Variants in SMIM35 observed in about 807,000 individuals in gnomAD.
SMIM35 encodes the protein TMPRSS4 antisense RNA 1 (non-protein coding).
At chr11:118,059,838 T>C (rs143427725) in intron 1 of SMIM35, among the ~76,000 whole-genome samples, 4 of 152,274 alleles carry the variant, frequency 2.6e-5, no homozygotes, top group Non-Finnish European at 4.4e-5. Context: ...TCAATCCTAC[T>C]GGATAAACTT....
intron 4 of SMIM35, among the ~76,000 whole-genome samples, chr11:118,008,173 C>G (rs2058131790): frequency 6.6e-6 from 1 of 152,142 alleles, no homozygotes; most frequent in South Asian, 2.1e-4. Flanking sequence ...CCCGGCCACA[C>G]CTGTTGTTTT....
At chr11:118,025,628 T>A in intron 1 of SMIM35, 1 of 448,442 alleles carries the variant, frequency 2.2e-6, no homozygotes, top group South Asian at 1.6e-5. Context: ...TGCCCACTTT[T>A]TAATGGGGTT....
chr11:118,043,417 C>T (rs192958679), intron 1 of SMIM35, among the ~76,000 whole-genome samples: 137 of 151,956 alleles, frequency 9.0e-4, no homozygotes, highest in Middle Eastern at 6.8e-3. Flanking sequence ...ACCTCAAAAA[C>T]ATTATGCTAA....
At chr11:118,083,869 A>G (rs797002226) in intron 1 of SMIM35, among the ~76,000 whole-genome samples, 13 of 152,194 alleles carry the variant, frequency 8.5e-5, no homozygotes, top group African/African-American at 2.9e-4. Flanking sequence ...CCTGGCCAAC[A>G]TGGTGAAAGT....
chr11:118,071,615 CAAATGAGCCAGTCACTG>C (rs763586803), intron 1 of SMIM35, among the ~76,000 whole-genome samples: 5 of 152,208 alleles, frequency 3.3e-5, no homozygotes, highest in Non-Finnish European at 7.3e-5. Flanking sequence ...GAGATGTGAA[CAAATGAGCCAGTCACTG>C]AAACTGATCT....
intron 1 of SMIM35, among the ~76,000 whole-genome samples, chr11:118,029,322 G>T (rs181853780): frequency 1.5e-4 from 23 of 152,312 alleles, no homozygotes; most frequent in African/African-American, 5.1e-4. Context: ...TAGGCATGGT[G>T]GCACACGCAT....
intron 1 of SMIM35, among the ~76,000 whole-genome samples, chr11:118,025,185 T>C (rs995567456): frequency 6.6e-6 from 1 of 152,196 alleles, no homozygotes; most frequent in East Asian, 1.9e-4. Context: ...GGCACCTAGG[T>C]TGATTCTAAG....
chr11:118,076,744 C>T (rs956911053), intron 1 of SMIM35, among the ~76,000 whole-genome samples: 3 of 152,150 alleles, frequency 2.0e-5, no homozygotes, highest in Non-Finnish European at 2.9e-5. Context: ...CAAACCCTGT[C>T]GCCCAACCCC....
At chr11:118,021,750 T>G (rs2058232688) in intron 1 of SMIM35, among the ~76,000 whole-genome samples, 1 of 152,168 alleles carries the variant, frequency 6.6e-6, no homozygotes, top group African/African-American at 2.4e-5. Flanking sequence ...GGACATTTCA[T>G]TATATAGCTT....
At chr11:118,082,876 A>C (rs1945255077) in intron 1 of SMIM35, among the ~76,000 whole-genome samples, 1 of 152,206 alleles carries the variant, frequency 6.6e-6, no homozygotes. Flanking sequence ...GACCCTAAGG[A>C]AAAACCTTAG....
At chr11:118,064,436 A>T (rs1212762221) in intron 1 of SMIM35, among the ~76,000 whole-genome samples, 2 of 152,128 alleles carry the variant, frequency 1.3e-5, no homozygotes, top group Non-Finnish European at 2.9e-5. Context: ...GTCATCACTA[A>T]TACTAAAGGG....
chr11:118,006,898 G>T (rs1165209720), intron 4 of SMIM35, among the ~76,000 whole-genome samples: 1 of 152,230 alleles, frequency 6.6e-6, no homozygotes, highest in African/African-American at 2.4e-5. Context: ...ATGTGGTCAA[G>T]AGACAAGGCA....
chr11:118,045,359 C>CACACACAT (rs1376747467), intron 1 of SMIM35, among the ~76,000 whole-genome samples: 1 of 151,174 alleles, frequency 6.6e-6, no homozygotes, highest in African/African-American at 2.4e-5. Flanking sequence ...CACACACACA[C>CACACACAT]ACTAGAGAGA....
chr11:118,054,898 G>A (rs902312254), intron 1 of SMIM35, among the ~76,000 whole-genome samples: 20 of 151,154 alleles, frequency 1.3e-4, no homozygotes, highest in African/African-American at 4.4e-4. Context: ...CCACCTCCCA[G>A]GTTCAAGCGA....
chr11:118,043,413 A>G (rs1591294075), intron 1 of SMIM35, among the ~76,000 whole-genome samples: 1 of 152,204 alleles, frequency 6.6e-6, no homozygotes, highest in Non-Finnish European at 1.5e-5. Context: ...ATGAACCTCA[A>G]AAACATTATG....
In SMIM35 at chr11:118,055,441, C is replaced by T. The variant is rs1944295055; in HGVS notation, c.7+31310G>A. Among the ~76,000 whole-genome samples, 4 of 152,224 alleles carry T rather than the reference C, an allele frequency of 2.6e-5. No individual in the cohort carries two copies. The South Asian group carries it at 8.3e-4, about 32-fold the overall frequency. ...TATGCCACACCTGCCACCACCACCC[C>T]GGCCCTGCCACCTCCTACCAAGACA... On this transcript the variant is annotated intron_variant, in intron 1 of 4. Transcript: ENST00000689828.
intron 1 of SMIM35, among the ~76,000 whole-genome samples, chr11:118,019,951 T>A (rs2135031177): frequency 6.6e-6 from 1 of 152,278 alleles, no homozygotes; most frequent in African/African-American, 2.4e-5. Flanking sequence ...TGCTACATTA[T>A]CTTAATTACT....
At chr11:118,023,686 C>T (rs1442739436) in intron 1 of SMIM35, among the ~76,000 whole-genome samples, 1 of 151,944 alleles carries the variant, frequency 6.6e-6, no homozygotes, top group African/African-American at 2.4e-5. Flanking sequence ...CACTTGAAGG[C>T]ATAGCAATAG....
intron 1 of SMIM35, among the ~76,000 whole-genome samples, chr11:118,021,933 A>G (rs1049491111): frequency 6.6e-6 from 1 of 152,224 alleles, no homozygotes; most frequent in Non-Finnish European, 1.5e-5. Flanking sequence ...AGACATTTAC[A>G]GAACACTACA....
Sources: allele counts gnomAD v4.1 joint callset (sites outside exome capture counted in the v4.1 genomes callset), GRCh38; gene constraint gnomAD v4.1.1; transcripts MANE v1.5; gene names NCBI Gene and HGNC (gene_info 2026-07-23, HGNC 2026-07-21).